ZMYND11: variants seen among roughly 807,000 people sequenced by gnomAD.
ZMYND11 encodes the protein zinc finger MYND domain-containing protein 11.
Under a neutral mutation model 84.9 loss-of-function variants are expected in ZMYND11, and 9 were observed. That is an observed-to-expected ratio of 0.11 (90% confidence interval 0.06 to 0.18). The LOEUF (loss-of-function observed/expected upper bound fraction) is 0.18, where lower values mean the gene tolerates loss of function less well. ZMYND11 is among the 10% of genes least tolerant of loss of function. The pLI, the probability that ZMYND11 is intolerant of heterozygous loss-of-function variation, is 1.00. For missense variants in ZMYND11, 409 were observed against 761.0 expected (o/e 0.54, Z 5.44); for synonymous variants, 250 against 244.1 (o/e 1.02, Z -0.23).
intron 6 of ZMYND11, 54 bp from the exon 7 acceptor site, chr10:239,384 A>G: frequency 6.2e-6 from 9 of 1,449,946 alleles, no homozygotes; most frequent in Middle Eastern, 1.8e-4. Flanking sequence ...CTTAGTCCAG[A>G]CAAGTATTTT....
At chr10:250,190 G>C (rs575175135) in intron 14 of ZMYND11, among the ~76,000 whole-genome samples, 81 of 152,352 alleles carry the variant, frequency 5.3e-4, no homozygotes, top group African/African-American at 1.9e-3. Context: ...GAGAGCTGCA[G>C]CCAACATTTT....
intron 1 of ZMYND11, among the ~76,000 whole-genome samples, chr10:149,215 C>G (rs1660266430): frequency 6.6e-6 from 1 of 151,834 alleles, no homozygotes; most frequent in Non-Finnish European, 1.5e-5. Context: ...TGAGACCACA[C>G]ACTCCCTTTG....
intron 10 of ZMYND11, among the ~76,000 whole-genome samples, chr10:246,494 A>C (rs1017453547): frequency 7.9e-5 from 12 of 152,352 alleles, no homozygotes; most frequent in Admixed American, 3.9e-4. Flanking sequence ...TCCAGTTCTG[A>C]GAACTTTTGT....
chr10:236,843 T>C lies in ZMYND11; in HGVS notation c.444T>C (p.Ile148=), dbSNP rs955772196. 2 of 1,612,276 alleles carry C rather than the reference T, an allele frequency of 1.2e-6. No individual in the cohort carries two copies. Among genetic ancestry groups the C allele is most frequent in the African/African-American group, 2.7e-5 (2 of 74,972 alleles). Residue 148 remains isoleucine, a synonymous_variant, in exon 5 of 15, where the codon ATT becomes ATC. Transcript: ENST00000381604. ...SPWQCPVCRS[I]KKKNTNKQEM... is the part of the protein sequence containing the mutation. The stretch of plus-strand genomic sequence containing the variant: ...TATTCTTTTTTTTTCAATAGAGCAT[T>C]AAGAAGAAGAATACAAACAAACAGG...
chr10:141,980 A>T (rs1228633261), intron 1 of ZMYND11, among the ~76,000 whole-genome samples: 1 of 152,230 alleles, frequency 6.6e-6, no homozygotes, highest in Non-Finnish European at 1.5e-5. Context: ...ATAGCAAGAC[A>T]ATCTGATTTG....
chr10:243,548 CTATGCAGAAAA>C (rs1406012111), intron 10 of ZMYND11, among the ~76,000 whole-genome samples: 1 of 152,128 alleles, frequency 6.6e-6, no homozygotes, highest in African/African-American at 2.4e-5. Flanking sequence ...ATTCAGTATA[CTATGCAGAAAA>C]TATTTTTAAA....
intron 1 of ZMYND11, among the ~76,000 whole-genome samples, chr10:162,617 A>G (rs1424359636): frequency 6.6e-6 from 1 of 152,054 alleles, no homozygotes; most frequent in African/African-American, 2.4e-5. Flanking sequence ...AGGTGATGAT[A>G]TTCTTCTTAG....
chr10:252,518 A>G lies in ZMYND11; in HGVS notation c.*48A>G. 2 of 1,548,638 alleles carry G rather than the reference A, an allele frequency of 1.3e-6. No individual in the cohort carries two copies. Among genetic ancestry groups the G allele is most frequent in the African/African-American group, 1.4e-5 (1 of 73,192 alleles). ...CCCGATGATTACTCTTTTCAGACAC[A>G]GCGGTTTTTGTTTCCAAGAAGCCAA... On this transcript the variant is annotated 3_prime_UTR_variant, in exon 15 of 15. Transcript: ENST00000381604. The surrounding 1 kb of genome is among the most constrained non-coding windows in gnomAD (Gnocchi z 4.6).
chr10:200,305 A>G lies in ZMYND11; in HGVS notation c.117-9584A>G, dbSNP rs1284502506. 3.2e-4 allele frequency among the ~76,000 whole-genome samples: 3 copies of G among 9,256 alleles called. No homozygotes were observed. In the Non-Finnish European group the frequency reaches 6.9e-3, roughly 21 times the overall value. 6.1% of individuals were successfully genotyped at this position (9,256 alleles called of 152,430 possible). A position where few individuals can be genotyped will look rare whatever the true frequency, so the allele number is the denominator to read the frequency against. On this transcript the variant is annotated intron_variant, in intron 2 of 14. Coordinates refer to ENST00000381604, the MANE Select transcript of ZMYND11 (RefSeq NM_001370100.5). ...ATAATATGTATAAAATGTATATTATATATAATATATAACATATAATATGTA... is the reference window on the plus strand; with the variant it reads ...ATAATATGTATAAAATGTATATTATGTATAATATATAACATATAATATGTA...
chr10:197,463 A>T (rs547652345), intron 2 of ZMYND11, among the ~76,000 whole-genome samples: 2 of 152,364 alleles, frequency 1.3e-5, no homozygotes, highest in South Asian at 4.1e-4. Flanking sequence ...AGTTTAGTAT[A>T]TGAAATAGAG....
At chr10:138,588 C>T (rs1296540064) in intron 1 of ZMYND11, among the ~76,000 whole-genome samples, 4 of 152,022 alleles carry the variant, frequency 2.6e-5, no homozygotes, top group Non-Finnish European at 5.9e-5. Context: ...CTACTTGGAC[C>T]TAACTAAGAA....
At chr10:157,729 A>G (rs1473217248) in intron 1 of ZMYND11, among the ~76,000 whole-genome samples, 1 of 152,120 alleles carries the variant, frequency 6.6e-6, no homozygotes, top group Admixed American at 6.5e-5. Context: ...TGACAGGTAA[A>G]TTTGCTGCAG....
chr10:236,274 TG>T lies in ZMYND11; in HGVS notation c.439-562del, dbSNP rs545568261. On this transcript the variant is annotated intron_variant, in intron 4 of 14. Coordinates refer to ENST00000381604, the MANE Select transcript of ZMYND11 (RefSeq NM_001370100.5). Reference sequence around the variant, plus strand: ...TTCTTCATGTGAAGTTAGACTTTTTTGGTGCAATAAATTGAGGAACCTAATT... The same window carrying T: ...TTCTTCATGTGAAGTTAGACTTTTTTGTGCAATAAATTGAGGAACCTAATT... Among the ~76,000 whole-genome samples, 86 of 152,370 alleles carry T rather than the reference TG, an allele frequency of 5.6e-4. No homozygotes were observed. The South Asian group carries it at 0.013, about 24-fold the overall frequency.
At chr10:215,576 G>A (rs1394916529) in intron 3 of ZMYND11, among the ~76,000 whole-genome samples, 1 of 105,710 alleles carries the variant, frequency 9.5e-6, no homozygotes, top group South Asian at 3.0e-4. Flanking sequence ...TTTTTTTTTT[G>A]AGACAGGGTC....
intron 14 of ZMYND11, chr10:249,400 G>C: frequency 9.2e-7 from 1 of 1,090,106 alleles, no homozygotes; most frequent in Non-Finnish European, 1.1e-6. Context: ...AAAGTGGCTG[G>C]CCCTGACTTT....
At chr10:214,421 C>T (rs749474017) in intron 3 of ZMYND11, among the ~76,000 whole-genome samples, 10 of 151,984 alleles carry the variant, frequency 6.6e-5, no homozygotes, top group Admixed American at 2.0e-4. Context: ...GCCTGGGCAG[C>T]GTAGCAAGAC....
At chr10:197,243 C>G (rs367914597) in intron 2 of ZMYND11, among the ~76,000 whole-genome samples, 2 of 146,810 alleles carry the variant, frequency 1.4e-5, no homozygotes, top group African/African-American at 5.1e-5. Flanking sequence ...TCAATACATA[C>G]GCATGGAAGG....
chr10:144,640 CTT>C (rs11348115), intron 1 of ZMYND11, among the ~76,000 whole-genome samples: 41,434 of 110,216 alleles, frequency 0.38, 7,274 homozygotes, highest in East Asian at 0.44. Flanking sequence ...GTCTGAATTC[CTT>C]TTTTTTTTTT....
rs913341973 is a variant in ZMYND11 at position 253,470 on chromosome 10, T to C, written c.*1000T>C. 6.6e-6 allele frequency: 1 copy of C among 152,670 alleles called. No individual in the cohort carries two copies. Among genetic ancestry groups the C allele is most frequent in the Non-Finnish European group, 1.5e-5 (1 of 68,048 alleles). 9.5% of individuals were successfully genotyped at this position (152,670 alleles called of 1,614,324 possible). A position where few individuals can be genotyped will look rare whatever the true frequency, so the allele number is the denominator to read the frequency against. On this transcript the variant is annotated 3_prime_UTR_variant, in exon 15 of 15. Coordinates refer to ENST00000381604, the MANE Select transcript of ZMYND11 (RefSeq NM_001370100.5). ...ATTGCCTACTAATGAACTCCATCAC[T>C]GTACACAGAATGAAGAATAATGCAT...
Sources: allele counts gnomAD v4.1 joint callset (sites outside exome capture counted in the v4.1 genomes callset), GRCh38; gene constraint gnomAD v4.1.1; non-coding constraint Gnocchi (gnomAD v3.1); transcripts MANE v1.5; gene names NCBI Gene and HGNC (gene_info 2026-07-23, HGNC 2026-07-21).